Variants in NELL1 observed in about 807,000 individuals in gnomAD.
NELL1 encodes the protein protein kinase C-binding protein NELL1.
In NELL1, 76 loss-of-function variants were observed where a neutral mutation model predicts 107.4. The ratio of observed to expected loss-of-function variants is 0.71; its 90% confidence interval spans 0.59 to 0.86. NELL1 has a LOEUF of 0.86. Among genes scored for constraint, NELL1 ranks in the 40% least tolerant of loss-of-function variants. The pLI, the probability that NELL1 is intolerant of heterozygous loss-of-function variation, is 0.00. For missense variants in NELL1, 1,024 were observed against 1,005.5 expected (o/e 1.02, Z -0.25); for synonymous variants, 353 against 341.2 (o/e 1.03, Z -0.38).
intron 2 of NELL1, among the ~76,000 whole-genome samples, chr11:20,745,228 T>C (rs961670408): frequency 2.0e-5 from 3 of 152,192 alleles, no homozygotes; most frequent in Admixed American, 6.6e-5. Context: ...AAATATTTGT[T>C]TTTTGTCCAG....
intron 15 of NELL1, among the ~76,000 whole-genome samples, chr11:21,405,816 C>T (rs542132797): frequency 1.3e-4 from 19 of 151,946 alleles, no homozygotes; most frequent in Non-Finnish European, 2.5e-4. Context: ...TTTCCTTCCC[C>T]CAACCTTTCC....
chr11:21,475,003 A>G (rs984506541), intron 15 of NELL1, among the ~76,000 whole-genome samples: 11 of 152,152 alleles, frequency 7.2e-5, no homozygotes, highest in African/African-American at 2.7e-4. Context: ...CCCAGAGTGG[A>G]AAGGGATCCT....
At chr11:20,973,598 C>T (rs1424194723) in intron 12 of NELL1, among the ~76,000 whole-genome samples, 3 of 152,176 alleles carry the variant, frequency 2.0e-5, no homozygotes, top group African/African-American at 7.2e-5. Flanking sequence ...ATGGATTCTT[C>T]CCACTGACAT....
chr11:20,674,719 T>C (rs1390310635), intron 1 of NELL1: 7 of 622,360 alleles, frequency 1.1e-5, no homozygotes, highest in Non-Finnish European at 2.0e-5. Flanking sequence ...ACTTTCTGGA[T>C]TGAGGGCACT....
At chr11:21,367,261 T>TACACACACAC (rs72275889) in intron 14 of NELL1, among the ~76,000 whole-genome samples, 4 of 145,238 alleles carry the variant, frequency 2.8e-5, no homozygotes, top group African/African-American at 5.1e-5. Context: ...TTTATCTTAC[T>TACACACACAC]ACACACACAC....
Position 21,113,533 on chromosome 11 carries a change from A to G in NELL1, c.1301-56A>G, listed in dbSNP as rs1021191422. On this transcript the variant is annotated intron_variant, in intron 12 of 19. Coordinates refer to ENST00000357134, the MANE Select transcript of NELL1 (RefSeq NM_006157.5). Reference sequence around the variant, plus strand: ...TTTTTAATTTATCTGCAAAATGATTACACTGTTGTTCCATTATTTTGCTAA... The same window carrying G: ...TTTTTAATTTATCTGCAAAATGATTGCACTGTTGTTCCATTATTTTGCTAA... 3.0e-5 allele frequency: 45 copies of G among 1,517,570 alleles called. No individual in the cohort carries two copies. In the African/African-American group the frequency reaches 6.1e-4, roughly 21 times the overall value. 94.0% of individuals were successfully genotyped at this position (1,517,570 alleles called of 1,614,324 possible). A position where few individuals can be genotyped will look rare whatever the true frequency, so the allele number is the denominator to read the frequency against.
intron 12 of NELL1, among the ~76,000 whole-genome samples, chr11:21,056,127 A>T (rs892794134): frequency 6.6e-6 from 1 of 152,144 alleles, no homozygotes; most frequent in African/African-American, 2.4e-5. Flanking sequence ...GAGGTCCAGT[A>T]ATTTGCCCAG....
chr11:21,446,968 G>C (rs1316529423), intron 15 of NELL1, among the ~76,000 whole-genome samples: 2 of 152,182 alleles, frequency 1.3e-5, no homozygotes, highest in African/African-American at 4.8e-5. Flanking sequence ...CTGCGTTTAA[G>C]CTGACCCTGA....
At chr11:20,796,335 T>C (rs1857168713) in intron 3 of NELL1, among the ~76,000 whole-genome samples, 1 of 152,256 alleles carries the variant, frequency 6.6e-6, no homozygotes, top group South Asian at 2.1e-4. Context: ...TTTTATAAAA[T>C]TGATTGAAGA....
intron 7 of NELL1, among the ~76,000 whole-genome samples, chr11:20,919,751 T>C (rs901399558): frequency 3.3e-5 from 5 of 152,134 alleles, no homozygotes; most frequent in Admixed American, 6.6e-5. Flanking sequence ...TAGGAACAGA[T>C]TACTGTCAAA....
chr11:20,762,088 T>C (rs949794818), intron 2 of NELL1, among the ~76,000 whole-genome samples: 1 of 152,214 alleles, frequency 6.6e-6, no homozygotes, highest in African/African-American at 2.4e-5. Context: ...TGACCATGTC[T>C]CTTAGAGTCA....
chr11:20,795,753 C>T (rs1346570280), intron 3 of NELL1, among the ~76,000 whole-genome samples: 1 of 152,022 alleles, frequency 6.6e-6, no homozygotes, highest in African/African-American at 2.4e-5. Flanking sequence ...ATGAAGAAGA[C>T]ATTTTTGGCT....
At chr11:21,455,875 C>CT (rs59224815) in intron 15 of NELL1, among the ~76,000 whole-genome samples, 101 of 144,138 alleles carry the variant, frequency 7.0e-4, no homozygotes, top group African/African-American at 2.2e-3. Context: ...TCTTTCTTTT[C>CT]TTTTTTTTTT....
intron 13 of NELL1, among the ~76,000 whole-genome samples, chr11:21,226,875 A>G (rs1234872069): frequency 6.6e-6 from 1 of 152,224 alleles, no homozygotes; most frequent in African/African-American, 2.4e-5. Flanking sequence ...AAAGGCAGAT[A>G]AACCAACTAC....
chr11:20,765,475 G>A (rs1460611711), intron 2 of NELL1, among the ~76,000 whole-genome samples: 6 of 152,186 alleles, frequency 3.9e-5, no homozygotes, highest in Non-Finnish European at 8.8e-5. Context: ...AAAAGCTGTG[G>A]TATGGTAATT....
intron 12 of NELL1, among the ~76,000 whole-genome samples, chr11:20,976,130 TAC>T (rs1564995929): frequency 3.1e-4 from 34 of 108,096 alleles, no homozygotes; most frequent in East Asian, 9.6e-4. Context: ...GTATTATGTA[TAC>T]ACATGTACAC....
chr11:20,869,687 A>G (rs1387413254), intron 4 of NELL1, among the ~76,000 whole-genome samples: 1 of 152,224 alleles, frequency 6.6e-6, no homozygotes, highest in Non-Finnish European at 1.5e-5. Context: ...CAGTTGCCCT[A>G]AATCTATAAA....
chr11:21,127,337 C>T (rs965114292), intron 13 of NELL1, among the ~76,000 whole-genome samples: 7 of 151,988 alleles, frequency 4.6e-5, no homozygotes, highest in Non-Finnish European at 1.0e-4. Context: ...GGCTCACACC[C>T]ATAATCTCAG....
At chr11:20,958,285 G>A (rs1344775123) in intron 11 of NELL1, among the ~76,000 whole-genome samples, 1 of 151,832 alleles carries the variant, frequency 6.6e-6, no homozygotes, top group Admixed American at 6.6e-5. Context: ...CTGGTGGCAC[G>A]CACCTCTAGT....
Sources: gnomAD v4.1 joint callset for allele counts (sites outside exome capture counted in the v4.1 genomes callset) on GRCh38, gnomAD v4.1.1 for gene constraint, MANE v1.5 for transcripts, NCBI Gene and HGNC (gene_info 2026-07-23, HGNC 2026-07-21) for gene names.